Variants in DIP2C observed in about 807,000 individuals in gnomAD.
DIP2C encodes the protein DIP2 acetate--CoA ligase C (putative).
A neutral mutation model predicts 192.4 loss-of-function variants in DIP2C; 33 were observed. That is an observed-to-expected ratio of 0.17 (90% CI 0.13 to 0.23). The LOEUF (loss-of-function observed/expected upper bound fraction) is 0.23. Among genes scored for constraint, DIP2C ranks in the 10% least tolerant of loss-of-function variants. The pLI, the probability that DIP2C is intolerant of heterozygous loss-of-function variation, is 1.00. For missense variants in DIP2C, 1,537 were observed against 2,110.1 expected (o/e 0.73, Z 5.32); for synonymous variants, 979 against 864.1 (o/e 1.13, Z -2.33).
intron 1 of DIP2C, among the ~76,000 whole-genome samples, chr10:539,712 A>T (rs1847877942): frequency 6.6e-6 from 1 of 152,250 alleles, no homozygotes; most frequent in South Asian, 2.1e-4. Context: ...TGATCTAACT[A>T]GTCATTCCAG....
chr10:311,408 G>C (rs1051777913), intron 31 of DIP2C: 1 of 816,858 alleles, frequency 1.2e-6, no homozygotes, highest in Non-Finnish European at 1.6e-6. Flanking sequence ...CAGCACCCAT[G>C]ATCACAGGGC....
chr10:562,158 G>A (rs1468102605), intron 1 of DIP2C, among the ~76,000 whole-genome samples: 3 of 152,250 alleles, frequency 2.0e-5, no homozygotes, highest in Non-Finnish European at 2.9e-5. Context: ...GATCCTGACA[G>A]TTAAGGTTCC....
At chr10:640,087 G>A (rs899408423) in intron 1 of DIP2C, among the ~76,000 whole-genome samples, 5 of 150,170 alleles carry the variant, frequency 3.3e-5, no homozygotes, top group African/African-American at 1.2e-4. Context: ...GCATCTCCAC[G>A]CGGCTAAATC....
intron 1 of DIP2C, among the ~76,000 whole-genome samples, chr10:605,492 CAT>C (rs1852396245): frequency 6.6e-6 from 1 of 152,234 alleles, no homozygotes; most frequent in Non-Finnish European, 1.5e-5. Context: ...CTTCGCACCA[CAT>C]AAACTGTTAC....
chr10:408,887 C>G lies in DIP2C; in HGVS notation c.1149+39G>C, dbSNP rs780193054. 2.7e-5 allele frequency: 43 copies of G among 1,604,366 alleles called. No homozygotes were observed. The Admixed American group carries it at 3.4e-4, about 13-fold the overall frequency. ...AGTGGGCACCTTTTCCCACAGGACTCTTGTGTTTTGTAGATCCAGCAGTTT... is the reference window on the plus strand; with the variant it reads ...AGTGGGCACCTTTTCCCACAGGACTGTTGTGTTTTGTAGATCCAGCAGTTT... On this transcript the variant is annotated intron_variant, in intron 9 of 36. Coordinates refer to ENST00000280886, the MANE Select transcript of DIP2C (RefSeq NM_014974.3).
At chr10:304,439 A>G (rs1333537721) in intron 32 of DIP2C, among the ~76,000 whole-genome samples, 1 of 152,204 alleles carries the variant, frequency 6.6e-6, no homozygotes, top group African/African-American at 2.4e-5. Context: ...CAGACAGCCC[A>G]GCTCTCAGTC....
chr10:317,193 T>C (rs939459576), intron 31 of DIP2C, among the ~76,000 whole-genome samples: 3 of 152,086 alleles, frequency 2.0e-5, no homozygotes, highest in Non-Finnish European at 4.4e-5. Context: ...TGTCAGGAAA[T>C]GGGGGTTCTG....
chr10:341,155 G>A, intron 29 of DIP2C, 44 bp downstream of exon 29: 2 of 1,613,026 alleles, frequency 1.2e-6, no homozygotes, highest in Non-Finnish European at 1.7e-6. Flanking sequence ...GGAGAGGAAG[G>A]TGCATGATTT....
At chr10:305,989 ATAT>A (rs1956300433) in intron 32 of DIP2C, among the ~76,000 whole-genome samples, 1 of 97,808 alleles carries the variant, frequency 1.0e-5, no homozygotes, top group Admixed American at 9.9e-5. Flanking sequence ...ATATATATAT[ATAT>A]ATTATATTTT....
chr10:419,105 C>T lies in DIP2C; in HGVS notation c.699G>A (p.Ala233=), dbSNP rs765604495. ...RPQGSTGSRT[A]PKYGNAELME... ...TGAGCTCGGCGTTGCCGTACTTGGGCGCTGTCCGGGACCCCGTGGAACCCT... is the reference window on the plus strand; with the variant it reads ...TGAGCTCGGCGTTGCCGTACTTGGGTGCTGTCCGGGACCCCGTGGAACCCT... Residue 233 remains alanine (A), a synonymous_variant, in exon 6 of 37, where the codon GCG becomes GCA. Coordinates refer to ENST00000280886, the MANE Select transcript of DIP2C (RefSeq NM_014974.3). The T allele has an allele frequency of 5.6e-6, 9 of 1,614,276 alleles. No homozygotes were observed. The highest frequency in any genetic ancestry group is 3.3e-5 in the Admixed American group (2 of 60,030).
intron 4 of DIP2C, among the ~76,000 whole-genome samples, chr10:425,361 A>G (rs12258690): frequency 0.11 from 12,540 of 116,206 alleles, no homozygotes; most frequent in South Asian, 0.16. Context: ...GGTGACTAAT[A>G]TGACACGGAT....
chr10:288,590 C>T (rs188733851), intron 32 of DIP2C, among the ~76,000 whole-genome samples, 169 bp from the exon 33 acceptor site: 2 of 152,324 alleles, frequency 1.3e-5, no homozygotes, highest in Admixed American at 6.5e-5. Flanking sequence ...GCAGAGGAAA[C>T]TGAACCCGAA....
chr10:280,772 G>A (rs183198983), intron 36 of DIP2C, among the ~76,000 whole-genome samples: 2 of 152,308 alleles, frequency 1.3e-5, no homozygotes, highest in East Asian at 3.9e-4. Context: ...GTCTCTTCTG[G>A]GGTCTGGACA....
intron 1 of DIP2C, among the ~76,000 whole-genome samples, chr10:531,686 G>C (rs1169211012): frequency 2.0e-5 from 3 of 152,114 alleles, no homozygotes; most frequent in Admixed American, 2.0e-4. Context: ...TTCTTGGCCT[G>C]TCCTGGGGTG....
chr10:282,265 G>A (rs182853691), intron 35 of DIP2C: 10 of 152,402 alleles, frequency 6.6e-5, no homozygotes, highest in African/African-American at 1.2e-4. Context: ...AGGACTCAGC[G>A]GGACGTGGCT....
At chr10:449,776 T>A (rs1968680809) in intron 3 of DIP2C, among the ~76,000 whole-genome samples, 8 of 121,092 alleles carry the variant, frequency 6.6e-5, no homozygotes, top group East Asian at 2.2e-4. Flanking sequence ...AAACTTAAAG[T>A]ATAATTAAAA....
At chr10:316,146 CTCTT>C (rs1393847318) in intron 31 of DIP2C, among the ~76,000 whole-genome samples, 3 of 152,084 alleles carry the variant, frequency 2.0e-5, no homozygotes, top group African/African-American at 4.8e-5. Flanking sequence ...CTTCTACTGA[CTCTT>C]TCTAGGGCCA....
rs1004356792 is a variant in DIP2C at position 364,266 on chromosome 10, G to A, written c.2477+108C>T. On this transcript the variant is annotated intron_variant, in intron 20 of 36. Transcript: ENST00000280886. ...GCTTCAATAACATGGAAGAGGAAAC[G>A]GAGACACAATACATTTAAGGAAACT... 240 of 1,298,232 alleles carry A rather than the reference G, an allele frequency of 1.8e-4. 2 individuals are homozygous for A. Among genetic ancestry groups the A allele is most frequent in the South Asian group, 2.8e-4 (19 of 68,016 alleles). The allele number at this position is 1,298,232 out of a possible 1,614,324, so 80.4% of individuals were successfully genotyped here.
chr10:609,512 A>G (rs1852917008), intron 1 of DIP2C, among the ~76,000 whole-genome samples: 1 of 152,158 alleles, frequency 6.6e-6, no homozygotes, highest in Non-Finnish European at 1.5e-5. Context: ...ATCTTCTCAA[A>G]CCCACTTAAG....
Sources: gnomAD v4.1 joint callset for allele counts (sites outside exome capture counted in the v4.1 genomes callset) on GRCh38, gnomAD v4.1.1 for gene constraint, MANE v1.5 for transcripts, NCBI Gene and HGNC (gene_info 2026-07-23, HGNC 2026-07-21) for gene names.